The following MCF2L variants were observed in gnomAD, a reference collection of about 807,000 sequenced individuals.
MCF2L encodes the protein guanine nucleotide exchange factor DBS.
In MCF2L, 97 loss-of-function variants were observed where a neutral mutation model predicts 153.4. The observed-to-expected ratio is 0.63, with a 90% CI of 0.54 to 0.75. MCF2L has a LOEUF of 0.75. Among genes scored for constraint, MCF2L ranks in the 30% least tolerant of loss-of-function variants. MCF2L has a pLI of 0.00. For synonymous variants in MCF2L, 659 were observed against 632.2 expected (o/e 1.04, Z -0.64); for missense variants, 1,347 against 1,495.2 (o/e 0.90, Z 1.64).
chr13:112,916,943 G>A (rs2081298534), intron 2 of MCF2L, among the ~76,000 whole-genome samples: 1 of 151,948 alleles, frequency 6.6e-6, no homozygotes, highest in South Asian at 2.1e-4. Flanking sequence ...CCGGACCTCT[G>A]AGGGTCCTGC....
At chr13:113,049,813 A>G (rs1389022817) in intron 4 of MCF2L, among the ~76,000 whole-genome samples, 1 of 152,176 alleles carries the variant, frequency 6.6e-6, no homozygotes, top group Non-Finnish European at 1.5e-5. Flanking sequence ...TAGCCACCAT[A>G]TGTGCTGTCT....
At chr13:112,921,466 G>T (rs2081352479) in intron 2 of MCF2L, among the ~76,000 whole-genome samples, 1 of 152,222 alleles carries the variant, frequency 6.6e-6, no homozygotes, top group South Asian at 2.1e-4. Flanking sequence ...TATAGGATTT[G>T]TGTGGAAAAC....
intron 1 of MCF2L, among the ~76,000 whole-genome samples, chr13:113,004,185 A>G (rs1262084983): frequency 6.6e-6 from 1 of 152,098 alleles, no homozygotes. Flanking sequence ...CCGGGGCACA[A>G]GTGTCCTCGG....
At chr13:113,057,089 AGTGTTTGGGTGCTGT>A (rs1566815020) in intron 4 of MCF2L, among the ~76,000 whole-genome samples, 10 of 81,746 alleles carry the variant, frequency 1.2e-4, no homozygotes, top group Admixed American at 8.7e-4. Flanking sequence ...TTTGGTGCTG[AGTGTTTGGGTGCTGT>A]GTGTTTGGGT....
chr13:113,031,492 G>C lies in MCF2L; in HGVS notation c.278+6734G>C, dbSNP rs1594756881. Among the ~76,000 whole-genome samples, 1 of 152,288 alleles carries C rather than the reference G, an allele frequency of 6.6e-6. No individual in the cohort carries two copies. Among genetic ancestry groups the C allele is most frequent in the Non-Finnish European group, 1.5e-5 (1 of 68,022 alleles). ...GGGACAGAGTCTGGGAGGTGAGACA[G>C]GGTCTGTGGAGCCTTTTCTGAGGAG... On this transcript the variant is annotated intron_variant, in intron 3 of 29. Coordinates refer to ENST00000535094, the MANE Select transcript of MCF2L (RefSeq NM_001112732.3). This position sits in a 1 kb window ranked among gnomAD's most constrained non-coding sequence, Gnocchi z 5.5.
Position 113,097,554 on chromosome 13 carries a change from T to C in MCF2L, c.*695T>C, listed in dbSNP as rs2035756487. The stretch of plus-strand genomic sequence containing the variant: ...TCCGTGGGTGACATCAGGTGGTGTC[T>C]CCACCACCAAAAGCAGTTAGAAGCC... On this transcript the variant is annotated 3_prime_UTR_variant, in exon 30 of 30. Coordinates refer to ENST00000535094, the MANE Select transcript of MCF2L (RefSeq NM_001112732.3). The C allele has an allele frequency of 6.6e-6, 1 of 152,138 alleles. No homozygotes were observed. The highest frequency in any genetic ancestry group is 2.1e-4 in the South Asian group (1 of 4,826). 9.4% of individuals were successfully genotyped at this position (152,138 alleles called of 1,614,324 possible).
intron 2 of MCF2L, among the ~76,000 whole-genome samples, chr13:112,922,674 A>C (rs1368630006): frequency 2.6e-5 from 4 of 152,210 alleles, no homozygotes; most frequent in African/African-American, 9.6e-5. Context: ...CTCTACTAAA[A>C]CACAGAAGAA....
At chr13:113,096,740 C>T (rs747075829) in intron 29 of MCF2L, 34 bp from the exon 30 acceptor site, 68 of 1,553,948 alleles carry the variant, frequency 4.4e-5, no homozygotes, top group Non-Finnish European at 1.6e-5. Flanking sequence ...GCAGAGCCGA[C>T]GCCGAAGCCC....
chr13:112,967,095 G>A (rs763265004), upstream of MCF2L, among the ~76,000 whole-genome samples: 1 of 149,378 alleles, frequency 6.7e-6, no homozygotes, highest in East Asian at 2.0e-4. Context: ...TTGTGCCTTA[G>A]ACTAGTGGAA....
chr13:113,098,541 A>G lies in MCF2L; in HGVS notation c.*1682A>G, dbSNP rs1316984152. The G allele has an allele frequency of 1.3e-5, 2 of 151,916 alleles. No individual in the cohort carries two copies. Among genetic ancestry groups the G allele is most frequent in the Non-Finnish European group, 2.9e-5 (2 of 67,980 alleles). The allele number at this position is 151,916 out of a possible 1,614,324, so 9.4% of individuals were successfully genotyped here. A position where few individuals can be genotyped will look rare whatever the true frequency, so the allele number is the denominator to read the frequency against. On this transcript the variant is annotated 3_prime_UTR_variant, in exon 30 of 30. Coordinates refer to ENST00000535094, the MANE Select transcript of MCF2L (RefSeq NM_001112732.3). ...GATGACGTTTGAATAAATATCAGCA[A>G]CTCCTGCCATCTGCCTTTGTCTGTC...
rs184568803 is a variant in MCF2L, at chr13:113,027,998, G to T, written c.278+3240G>T. On this transcript the variant is annotated intron_variant, in intron 3 of 29. Transcript: ENST00000535094. This position sits in a 1 kb window ranked among gnomAD's most constrained non-coding sequence, Gnocchi z 4.8. Reference sequence around the variant, plus strand: ...GACGGCCGGCCTGACAGGTACATCCGCCCCCTGATGGCACCTCCTGGCATG... The same window carrying T: ...GACGGCCGGCCTGACAGGTACATCCTCCCCCTGATGGCACCTCCTGGCATG... Among the ~76,000 whole-genome samples the T allele has an allele frequency of 1.3e-5, 2 of 151,748 alleles. No homozygotes were observed. Among genetic ancestry groups the T allele is most frequent in the African/African-American group, 4.9e-5 (2 of 41,072 alleles).
rs539041860 is a variant in MCF2L at position 112,925,315 on chromosome 13, C to T, written c.169+22944C>T. The stretch of plus-strand genomic sequence containing the variant: ...GTGGGAAGGCATATTGCTATGACCA[C>T]TTTGGAAAACATGGACAGGGTCTAA... On this transcript the variant is annotated intron_variant, in intron 2 of 29. Coordinates refer to the MCF2L transcript ENST00000375608. 3.9e-5 allele frequency among the ~76,000 whole-genome samples: 6 copies of T among 152,214 alleles called. No homozygotes were observed. In the South Asian group the frequency reaches 1.2e-3, roughly 32 times the overall value.
At chr13:112,968,560 T>C, upstream of MCF2L, 3 of 1,545,984 alleles carry the variant, frequency 1.9e-6, no homozygotes, top group East Asian at 2.4e-5. Flanking sequence ...GAGGGGCTGG[T>C]CCATCCCCGG....
rs1269940853 is a variant in MCF2L, at chr13:112,943,967, C to T, written c.169+41596C>T. On this transcript the variant is annotated intron_variant, in intron 2 of 29. Transcript: ENST00000375608. This position sits in a 1 kb window ranked among gnomAD's most constrained non-coding sequence, Gnocchi z 4.2. The stretch of plus-strand genomic sequence containing the variant: ...CGGGCCAGGGGCGCAGAGAGGGTCC[C>T]GGGCCGTGAGGGGAGGGTCCCGGGT... 2.0e-5 allele frequency among the ~76,000 whole-genome samples: 3 copies of T among 150,848 alleles called. No individual in the cohort carries two copies. Among genetic ancestry groups the T allele is most frequent in the Non-Finnish European group, 4.4e-5 (3 of 67,702 alleles).
chr13:113,066,130 G>A lies in MCF2L; in HGVS notation c.841G>A (p.Val281Met). 1 of 1,613,188 alleles carries A rather than the reference G, an allele frequency of 6.2e-7. No individual in the cohort carries two copies. The highest frequency in any genetic ancestry group is 8.5e-7 in the Non-Finnish European group (1 of 1,179,950). ...GCAGGCTGAGGGCTCAGAGCCCAGT[G>A]TGAACCAGGACCAGCTTGACAACCA... is the stretch of plus-strand genomic sequence containing the variant. Reference protein sequence around the residue: ...ELQAEGSEPSVNQDQLDNQAT... With the variant: ...ELQAEGSEPSMNQDQLDNQAT... The change falls in exon 8 of 30, where the codon GTG becomes ATG. Residue 281 changes from valine (V) to methionine (M), a missense_variant. Val to Met is a conservative substitution (Grantham distance 21). Coordinates refer to ENST00000535094, the MANE Select transcript of MCF2L (RefSeq NM_001112732.3).
At chr13:113,014,608 C>G (rs1240504414) in intron 1 of MCF2L, among the ~76,000 whole-genome samples, 155 bp from the exon 2 acceptor site, 1 of 152,234 alleles carries the variant, frequency 6.6e-6, no homozygotes, top group African/African-American at 2.4e-5. Context: ...ACAAAGGCCT[C>G]CACGTATTGG....
chr13:113,004,980 G>T (rs997736009), intron 1 of MCF2L, among the ~76,000 whole-genome samples: 1 of 152,218 alleles, frequency 6.6e-6, no homozygotes, highest in Non-Finnish European at 1.5e-5. Flanking sequence ...ACTGTCGTTG[G>T]AGCCAGGAGT....
chr13:113,022,030 C>T (rs1277668572), intron 2 of MCF2L, among the ~76,000 whole-genome samples: 2 of 152,196 alleles, frequency 1.3e-5, no homozygotes, highest in African/African-American at 4.8e-5. Flanking sequence ...TCCAGGCCTT[C>T]CTGTGGCTAG....
chr13:113,005,021 G>A (rs1457590606), intron 1 of MCF2L, among the ~76,000 whole-genome samples: 1 of 152,242 alleles, frequency 6.6e-6, no homozygotes, highest in Non-Finnish European at 1.5e-5. Flanking sequence ...GGGGAAAGGA[G>A]TGAGCGTGTT....
Sources: gnomAD v4.1 joint callset for allele counts (sites outside exome capture counted in the v4.1 genomes callset) on GRCh38, gnomAD v4.1.1 for gene constraint, Gnocchi (gnomAD v3.1) non-coding constraint, MANE v1.5 for transcripts, NCBI Gene and HGNC (gene_info 2026-07-23, HGNC 2026-07-21) for gene names.